CDC14B: variants seen among roughly 807,000 people sequenced by gnomAD.
CDC14B encodes dual specificity protein phosphatase CDC14B.
A neutral mutation model predicts 64.2 loss-of-function variants in CDC14B; 22 were observed. The observed-to-expected ratio is 0.34, with a 90% confidence interval of 0.24 to 0.49. The LOEUF (loss-of-function observed/expected upper bound fraction) is 0.49, where lower values mean the gene tolerates loss of function less well. CDC14B is among the 20% of genes least tolerant of loss of function. The pLI, the probability that CDC14B is intolerant of heterozygous loss-of-function variation, is 0.99. For synonymous variants in CDC14B, 191 were observed against 215.8 expected (o/e 0.89, Z 1.01); for missense variants, 498 against 629.9 (o/e 0.79, Z 2.24).
intron 4 of CDC14B, among the ~76,000 whole-genome samples, chr9:96,560,173 C>T (rs1842963080): frequency 6.6e-6 from 1 of 152,170 alleles, no homozygotes; most frequent in African/African-American, 2.4e-5. Context: ...CTCCTCAAGA[C>T]CCTACCATCT....
chr9:96,619,263 G>A lies in CDC14B; in HGVS notation c.116C>T (p.Pro39Leu). 1 of 1,362,260 alleles carries A rather than the reference G, an allele frequency of 7.3e-7. No homozygotes were observed. The highest frequency in any genetic ancestry group is 9.5e-7 in the Non-Finnish European group (1 of 1,051,800). The allele number at this position is 1,362,260 out of a possible 1,614,324, so 84.4% of individuals were successfully genotyped here. A position where few individuals can be genotyped will look rare whatever the true frequency, so the allele number is the denominator to read the frequency against. ...KKIRSSTQQDPRRRDPQDDVY... is the reference protein window; with the variant it reads ...KKIRSSTQQDLRRRDPQDDVY... ...GTCGTCCTGGGGGTCCCGGCGGCGC[G>A]GGTCTTGCTGCGTGGAGCTGCGGAT... is the stretch of plus-strand genomic sequence containing the variant. The change falls in exon 1 of 14, where the codon CCG becomes CTG. Residue 39 changes from proline (P) to leucine (L), a missense_variant. Physicochemically the swap from Pro to Leu is moderately conservative, Grantham distance 98 (BLOSUM62 -3). Transcript: ENST00000375241.
At chr9:96,510,633 T>A (rs1414599341) in intron 12 of CDC14B, among the ~76,000 whole-genome samples, 1 of 148,352 alleles carries the variant, frequency 6.7e-6, no homozygotes, top group Non-Finnish European at 1.5e-5. Flanking sequence ...TGAGATGGAG[T>A]CTTGCTCTGT....
At chr9:96,526,231 G>C (rs1274341573) in intron 9 of CDC14B, among the ~76,000 whole-genome samples, 2 of 152,172 alleles carry the variant, frequency 1.3e-5, no homozygotes, top group East Asian at 1.9e-4. Context: ...AGCCGGGCGT[G>C]GTGGCAGGCA....
At chr9:96,612,390 G>A (rs1847379296) in intron 1 of CDC14B, among the ~76,000 whole-genome samples, 2 of 152,242 alleles carry the variant, frequency 1.3e-5, no homozygotes, top group African/African-American at 4.8e-5. Context: ...TGTGACACAA[G>A]AGAACACTGA....
intron 9 of CDC14B, among the ~76,000 whole-genome samples, chr9:96,527,942 C>A (rs1185711382): frequency 1.3e-5 from 2 of 152,106 alleles, no homozygotes; most frequent in African/African-American, 4.8e-5. Context: ...ACAATAACTA[C>A]CAATCCCTGC....
At chr9:96,618,403 C>A (rs1181760488) in intron 1 of CDC14B, 3 of 492,548 alleles carry the variant, frequency 6.1e-6, no homozygotes, top group East Asian at 5.7e-5. Context: ...TCAATCCCAG[C>A]AAACCTAACA....
intron 5 of CDC14B, among the ~76,000 whole-genome samples, chr9:96,550,972 G>A (rs776104598): frequency 2.0e-5 from 3 of 152,036 alleles, no homozygotes; most frequent in South Asian, 2.1e-4. Flanking sequence ...GAAAAAAGGG[G>A]TTCATTTTGG....
At chr9:96,531,463 T>C (rs117427792) in intron 9 of CDC14B, among the ~76,000 whole-genome samples, 3,386 of 152,308 alleles carry the variant, frequency 0.022, 69 homozygotes, top group South Asian at 0.038. Flanking sequence ...TTTATTTCTG[T>C]AGTATCAGTG....
At position 96,502,871 on chromosome 9, in the gene CDC14B, G is replaced by A. The variant is rs1303756009; in HGVS notation, c.*882C>T. The A allele has an allele frequency of 5.0e-6, 2 of 397,010 alleles. No homozygotes were observed. Among genetic ancestry groups the A allele is most frequent in the Non-Finnish European group, 8.9e-6 (2 of 225,802 alleles). 24.6% of individuals were successfully genotyped at this position (397,010 alleles called of 1,614,324 possible). A position where few individuals can be genotyped will look rare whatever the true frequency, so the allele number is the denominator to read the frequency against. On this transcript the variant is annotated 3_prime_UTR_variant, in exon 14 of 14. Transcript: ENST00000375241. Reference sequence around the variant, plus strand: ...AAGTGGTAACTTTTTTTTTTTGTAAGCCGACATTATTTGGGATTGCTGTTT... The same window carrying A: ...AAGTGGTAACTTTTTTTTTTTGTAAACCGACATTATTTGGGATTGCTGTTT...
rs144969955 is a variant in CDC14B, at chr9:96,590,271, G to A, written c.161-24788C>T. 5.7e-3 allele frequency among the ~76,000 whole-genome samples: 869 copies of A among 152,246 alleles called. 9 individuals are homozygous for A. Among genetic ancestry groups the A allele is most frequent in the African/African-American group, 0.019 (807 of 41,536 alleles). On this transcript the variant is annotated intron_variant, in intron 1 of 13. Transcript: ENST00000375241. ...TCTTTTCGTGACAAGCTTATTGAACGTAGCATAATGCCCTGAAGCTTCATC... is the reference window on the plus strand; with the variant it reads ...TCTTTTCGTGACAAGCTTATTGAACATAGCATAATGCCCTGAAGCTTCATC...
chr9:96,529,962 C>T (rs1189140059), intron 9 of CDC14B, among the ~76,000 whole-genome samples: 2 of 152,028 alleles, frequency 1.3e-5, no homozygotes, highest in Non-Finnish European at 2.9e-5. Flanking sequence ...TCTGTATATC[C>T]CTTCGGGCAA....
intron 1 of CDC14B, among the ~76,000 whole-genome samples, chr9:96,603,629 C>A (rs761299102): frequency 2.6e-5 from 4 of 152,218 alleles, no homozygotes; most frequent in African/African-American, 9.6e-5. Flanking sequence ...AAGCTTCCAA[C>A]GTCAAGGCTT....
rs143077991 is a variant in CDC14B, at chr9:96,613,543, C to G, written c.160+5676G>C. Among the ~76,000 whole-genome samples the G allele has an allele frequency of 4.0e-3, 607 of 152,202 alleles. 12 individuals carry two copies. Among genetic ancestry groups the G allele is most frequent in the East Asian group, 3.3e-3 (17 of 5,178 alleles). On this transcript the variant is annotated intron_variant, in intron 1 of 13. Coordinates refer to ENST00000375241, the MANE Select transcript of CDC14B (RefSeq NM_033331.4). ...TTGCCTCCACGTGGTGTTGGAGTGC[C>G]TGAGGAATTAGATTTAAAGCAGATA...
intron 3 of CDC14B, among the ~76,000 whole-genome samples, chr9:96,563,542 T>C (rs1239583958): frequency 6.6e-6 from 1 of 150,910 alleles, no homozygotes; most frequent in Non-Finnish European, 1.5e-5. Context: ...CCCAGCTACT[T>C]GGGAGGCTGA....
intron 12 of CDC14B, among the ~76,000 whole-genome samples, chr9:96,513,213 G>T (rs1336332018): frequency 6.6e-6 from 1 of 152,170 alleles, no homozygotes; most frequent in Admixed American, 6.5e-5. Context: ...GATAGAACTT[G>T]AGTGTATTAA....
intron 13 of CDC14B, among the ~76,000 whole-genome samples, chr9:96,494,623 C>T (rs916573035): frequency 2.6e-5 from 4 of 152,188 alleles, no homozygotes; most frequent in Non-Finnish European, 5.9e-5. Flanking sequence ...GGCTCTCACA[C>T]CCCCCACAGC....
At chr9:96,525,224 C>G (rs569101907) in intron 9 of CDC14B, among the ~76,000 whole-genome samples, 5 of 152,152 alleles carry the variant, frequency 3.3e-5, no homozygotes, top group African/African-American at 1.2e-4. Context: ...ACTTAATCAG[C>G]CATCTCAGCA....
intron 1 of CDC14B, among the ~76,000 whole-genome samples, chr9:96,615,569 A>G (rs1387077648): frequency 3.3e-5 from 5 of 152,160 alleles, no homozygotes. Flanking sequence ...TTACAAACCT[A>G]CTCCACTGTG....
intron 13 of CDC14B, among the ~76,000 whole-genome samples, chr9:96,506,821 G>A (rs1180271722): frequency 6.6e-6 from 1 of 152,108 alleles, no homozygotes; most frequent in Non-Finnish European, 1.5e-5. Context: ...ACATGAAAAC[G>A]CAACGAGACC....
Sources: gnomAD v4.1 joint callset for allele counts (sites outside exome capture counted in the v4.1 genomes callset) on GRCh38, gnomAD v4.1.1 for gene constraint, MANE v1.5 for transcripts, NCBI Gene and HGNC (gene_info 2026-07-23, HGNC 2026-07-21) for gene names.